TMEM94: variants seen among roughly 807,000 people sequenced by gnomAD.
The protein encoded by TMEM94 is ER Mg2+ ATPase.
In TMEM94, 81 loss-of-function variants were observed where a neutral mutation model predicts 158.6. That is an observed-to-expected ratio of 0.51 (90% CI 0.43 to 0.61). The LOEUF is 0.61. TMEM94 is among the 20% of genes least tolerant of loss of function. TMEM94 has a pLI of 0.00. For missense variants in TMEM94, 1,435 were observed against 1,762.0 expected (o/e 0.81, Z 3.32); for synonymous variants, 751 against 730.7 (o/e 1.03, Z -0.45).
chr17:75,460,833 A>G (rs1274470283), intron 1 of TMEM94, among the ~76,000 whole-genome samples: 1 of 152,052 alleles, frequency 6.6e-6, no homozygotes, highest in Non-Finnish European at 1.5e-5. Flanking sequence ...AAAAAAATAC[A>G]TAGTATAACA....
chr17:75,498,246 T>C lies in TMEM94; in HGVS notation c.3561T>C (p.Phe1187=), dbSNP rs1367101013. 1 of 1,613,828 alleles carries C rather than the reference T, an allele frequency of 6.2e-7. No individual in the cohort carries two copies. The highest frequency in any genetic ancestry group is 8.5e-7 in the Non-Finnish European group (1 of 1,180,018). Residue 1187 remains phenylalanine, a synonymous_variant, in exon 28 of 32, where the codon TTT becomes TTC. Transcript: ENST00000314256. This position sits in a 1 kb window ranked among gnomAD's most constrained non-coding sequence, Gnocchi z 6.7. ...CCATCAGCTCCTGCCTCATCTGCTTTGGCTTCACACTGCAGAGCTTCTGTG... is the reference window on the plus strand; with the variant it reads ...CCATCAGCTCCTGCCTCATCTGCTTCGGCTTCACACTGCAGAGCTTCTGTG... ...SLTISSCLIC[F]GFTLQSFCDS...
rs368977069 is a variant in TMEM94, at chr17:75,494,690, T to C, written c.2471T>C (p.Met824Thr). The C allele has an allele frequency of 2.9e-5, 46 of 1,613,652 alleles. No homozygotes were observed. Among genetic ancestry groups the C allele is most frequent in the Admixed American group, 1.7e-4 (10 of 60,000 alleles). Reference sequence around the variant, plus strand: ...CAGGCCCTGAGCGGCCAGATCTTCATGGGCATGGTGTCCTCCCAGTACCAG... The same window carrying C: ...CAGGCCCTGAGCGGCCAGATCTTCACGGGCATGGTGTCCTCCCAGTACCAG... The part of the protein sequence containing the change: ...CMQALSGQIF[M>T]GMVSSQYQAR... Residue 824 changes from methionine (M) to threonine (T), a missense_variant, in exon 19 of 32, where the codon ATG (methionine) becomes ACG (threonine). Physicochemically the swap from Met to Thr is moderately conservative, Grantham distance 81. Transcript: ENST00000314256.
At chr17:75,458,885 A>C (rs11658856) in intron 1 of TMEM94, among the ~76,000 whole-genome samples, 124,607 of 150,778 alleles carry the variant, frequency 0.83, 52,196 homozygotes, top group Middle Eastern at 0.91. Flanking sequence ...GTGAAACCCC[A>C]TCTCTACTAA....
chr17:75,491,279 C>G lies in TMEM94; in HGVS notation c.1234-24C>G, dbSNP rs772291652. 3 of 1,609,576 alleles carry G rather than the reference C, an allele frequency of 1.9e-6. No individual in the cohort carries two copies. The highest frequency in any genetic ancestry group is 4.5e-5 in the East Asian group (2 of 44,892). Reference sequence around the variant, plus strand: ...GATAGGCTAATGCCAGGCCCCTTTCCTATCTCAAATGCTTTCCATGCAGGT... The same window carrying G: ...GATAGGCTAATGCCAGGCCCCTTTCGTATCTCAAATGCTTTCCATGCAGGT... On this transcript the variant is annotated intron_variant, in intron 12 of 31. Transcript: ENST00000314256. This position sits in a 1 kb window ranked among gnomAD's most constrained non-coding sequence, Gnocchi z 5.1.
intron 10 of TMEM94, among the ~76,000 whole-genome samples, 164 bp from the exon 11 acceptor site, chr17:75,490,538 A>G (rs1012409405): frequency 5.9e-5 from 9 of 152,168 alleles, no homozygotes; most frequent in Non-Finnish European, 1.0e-4. Context: ...GGTGTGAGTG[A>G]GCGTCTGCCC....
At chr17:75,471,649 GT>G (rs756267739) in intron 1 of TMEM94, among the ~76,000 whole-genome samples, 150 bp from the exon 2 acceptor site, 1 of 151,408 alleles carries the variant, frequency 6.6e-6, no homozygotes, top group Non-Finnish European at 1.5e-5. Flanking sequence ...AGGAGACAGA[GT>G]TTGCAGTGAG....
At position 75,492,641 on chromosome 17, in the gene TMEM94, T is replaced by C. The variant is rs1366273660; in HGVS notation, c.1764T>C (p.Asn588=). The change falls in exon 15 of 32, where the codon AAT becomes AAC. Residue 588 remains asparagine, a synonymous_variant. Transcript: ENST00000314256. This position sits in a 1 kb window ranked among gnomAD's most constrained non-coding sequence, Gnocchi z 4.4. The part of the protein sequence containing the change: ...HLTSLKPLGL[N]VLLNLCDASV... The stretch of plus-strand genomic sequence containing the variant: ...CCTCCCTCAAACCCCTGGGCCTCAA[T>C]GTGCTGCTGAACCTGTGTGATGCCA... 3.2e-5 allele frequency: 52 copies of C among 1,613,894 alleles called. 1 individual carries two copies. In the Admixed American group the frequency reaches 8.7e-4, roughly 27 times the overall value.
At chr17:75,470,825 A>G (rs2146222827) in intron 1 of TMEM94, among the ~76,000 whole-genome samples, 1 of 152,032 alleles carries the variant, frequency 6.6e-6, no homozygotes, top group South Asian at 2.1e-4. Flanking sequence ...GGGCTGAGAC[A>G]GGAGAATCAC....
chr17:75,485,355 G>A lies in TMEM94; in HGVS notation c.25-73G>A. 6.4e-7 allele frequency: 1 copy of A among 1,554,444 alleles called. No homozygotes were observed. Among genetic ancestry groups the A allele is most frequent in the Non-Finnish European group, 8.7e-7 (1 of 1,144,194 alleles). On this transcript the variant is annotated intron_variant, in intron 2 of 31. Transcript: ENST00000314256. This position sits in a 1 kb window ranked among gnomAD's most constrained non-coding sequence, Gnocchi z 5.5. ...GGAAGGATGAAGGGCCAGGGAAGGG[G>A]AGGGTTGGGGCCCGCGTGCCTTGCA...
At position 75,490,067 on chromosome 17, in the gene TMEM94, GACTCC is replaced by G. The variant is rs2052016085; in HGVS notation, c.955-166_955-162del. 1.1e-5 allele frequency: 10 copies of G among 937,032 alleles called. No homozygotes were observed. The East Asian group carries it at 2.0e-4, about 18-fold the overall frequency. 58.0% of individuals were successfully genotyped at this position (937,032 alleles called of 1,614,324 possible). On this transcript the variant is annotated intron_variant, in intron 9 of 31. Coordinates refer to ENST00000314256, the MANE Select transcript of TMEM94 (RefSeq NM_014738.6). ...GCCCTCCAGCCTGGCGACGGAGCAA[GACTCC>G]GTCTCAAAAAAAAAAAAAAAGAACA... is the stretch of plus-strand genomic sequence containing the variant.
In TMEM94 at chr17:75,491,368, G is replaced by A. The variant is rs1237638849; in HGVS notation, c.1299G>A (p.Leu433=). 6.2e-6 allele frequency: 10 copies of A among 1,614,148 alleles called. No homozygotes were observed. The highest frequency in any genetic ancestry group is 8.5e-6 in the Non-Finnish European group (10 of 1,180,042). ...SWPNPSPETV[L]FFSGKVEPPH... ...CAAATCCCAGCCCAGAGACTGTACT[G>A]TTCTTCAGCGGGAAGGTGGAGCCCC... The change falls in exon 13 of 32, where the codon CTG becomes CTA. Residue 433 remains leucine, a synonymous_variant. Coordinates refer to ENST00000314256, the MANE Select transcript of TMEM94 (RefSeq NM_014738.6). The surrounding 1 kb of genome is among the most constrained non-coding windows in gnomAD (Gnocchi z 5.1).
chr17:75,466,569 A>C (rs894452458), intron 1 of TMEM94, among the ~76,000 whole-genome samples: 1 of 152,140 alleles, frequency 6.6e-6, no homozygotes, highest in African/African-American at 2.4e-5. Context: ...TAATCCCAGC[A>C]CTTTGGGAGG....
Position 75,496,401 on chromosome 17 carries a change from T to C in TMEM94, c.3173T>C (p.Leu1058Pro). Residue 1058 changes from leucine to proline, a missense_variant, in exon 24 of 32, where the codon CTC becomes CCC. Around this residue, in one of 3 missense-constraint regions of TMEM94, gnomAD observed 335 missense variants for 409.1 expected, o/e 0.82. Coordinates refer to ENST00000314256, the MANE Select transcript of TMEM94 (RefSeq NM_014738.6). ...GLSPLQLSGQ[L>P]NSLPCSLTFR... ...TCTCCCCTGCAGCTGTCAGGGCAGC[T>C]CAACAGCCTGCCCTGTTCCCTGACC... is the stretch of plus-strand genomic sequence containing the variant. The C allele has an allele frequency of 6.2e-7, 1 of 1,613,890 alleles. No individual in the cohort carries two copies. The highest frequency in any genetic ancestry group is 8.5e-7 in the Non-Finnish European group (1 of 1,180,014).
intron 2 of TMEM94, among the ~76,000 whole-genome samples, chr17:75,483,444 G>A (rs2051331760): frequency 6.6e-6 from 1 of 151,530 alleles, no homozygotes; most frequent in Admixed American, 6.6e-5. Context: ...CAGGTGGCAA[G>A]TTCAAGTTTT....
chr17:75,464,812 G>T (rs976944869), intron 1 of TMEM94, among the ~76,000 whole-genome samples: 1 of 151,482 alleles, frequency 6.6e-6, no homozygotes, highest in East Asian at 1.9e-4. Context: ...GAGTTCATGC[G>T]ATTCTCCTGC....
intron 25 of TMEM94, 63 bp from the exon 26 acceptor site, chr17:75,497,050 G>T: frequency 7.0e-6 from 10 of 1,423,266 alleles, no homozygotes; most frequent in Non-Finnish European, 9.9e-6. Context: ...GAGCTCGGGG[G>T]CTCCTATGCC....
chr17:75,494,500 G>T, intron 18 of TMEM94, 127 bp from the exon 19 acceptor site: 2 of 850,930 alleles, frequency 2.4e-6, no homozygotes, highest in South Asian at 3.5e-5. Flanking sequence ...TCCTTCGTGT[G>T]TCTTGGCTGT....
chr17:75,479,400 A>AC (rs1268847642), intron 2 of TMEM94, among the ~76,000 whole-genome samples: 3 of 152,026 alleles, frequency 2.0e-5, no homozygotes, highest in Non-Finnish European at 4.4e-5. Flanking sequence ...GCTCACTGCA[A>AC]CCGCCGCCTC....
chr17:75,498,135 G>A lies in TMEM94; in HGVS notation c.3490-40G>A, dbSNP rs2052917020. 1 of 1,608,948 alleles carries A rather than the reference G, an allele frequency of 6.2e-7. No homozygotes were observed. Among genetic ancestry groups the A allele is most frequent in the African/African-American group, 1.3e-5 (1 of 74,970 alleles). ...GAAGAGCTAGGAGCAGCCGGCAGAGGGGCTGTGCGCCCCAGGAGTGACTGG... is the reference window on the plus strand; with the variant it reads ...GAAGAGCTAGGAGCAGCCGGCAGAGAGGCTGTGCGCCCCAGGAGTGACTGG... On this transcript the variant is annotated intron_variant, in intron 27 of 31. Transcript: ENST00000314256. The surrounding 1 kb of genome is among the most constrained non-coding windows in gnomAD (Gnocchi z 6.7).
Sources: gnomAD v4.1 joint callset for allele counts (sites outside exome capture counted in the v4.1 genomes callset) on GRCh38, gnomAD v4.1.1 for gene constraint, gnomAD v4.1.1 regional missense constraint, Gnocchi (gnomAD v3.1) non-coding constraint, MANE v1.5 for transcripts, NCBI Gene and HGNC (gene_info 2026-07-23, HGNC 2026-07-21) for gene names.